Variants in PIK3R3 observed in about 807,000 individuals in gnomAD.
PIK3R3 encodes phosphoinositide-3-kinase regulatory subunit 3, also known as phosphatidylinositol 3-kinase regulatory subunit gamma.
PIK3R3 carries 64 observed loss-of-function variants against 62.9 expected under a neutral mutation model. The ratio of observed to expected loss-of-function variants is 1.02; its 90% confidence interval spans 0.83 to 1.25. The LOEUF (loss-of-function observed/expected upper bound fraction) is 1.25. PIK3R3 is among the 50% of genes most tolerant of loss of function. PIK3R3 has a pLI of 0.00. For synonymous variants in PIK3R3, 165 were observed against 189.0 expected (o/e 0.87, Z 1.04); for missense variants, 614 against 561.6 (o/e 1.09, Z -0.94).
At chr1:46,058,117 T>C (rs758301905) in intron 6 of PIK3R3, among the ~76,000 whole-genome samples, 6 of 152,174 alleles carry the variant, frequency 3.9e-5, no homozygotes, top group Admixed American at 2.6e-4. Flanking sequence ...GGGGCCAACA[T>C]AGGGCTCAGG....
intron 1 of PIK3R3, among the ~76,000 whole-genome samples, chr1:46,120,865 T>C (rs749236127): frequency 1.1e-4 from 16 of 152,194 alleles, no homozygotes; most frequent in Non-Finnish European, 2.2e-4. Context: ...GACCCAATTC[T>C]GGCCAAAAAG....
intron 1 of PIK3R3, among the ~76,000 whole-genome samples, chr1:46,091,557 C>G (rs142133734): frequency 6.6e-6 from 1 of 152,078 alleles, no homozygotes; most frequent in African/African-American, 2.4e-5. Flanking sequence ...TACTATATGG[C>G]TCTTTACAGA....
At chr1:46,095,036 T>C (rs865989380) in intron 1 of PIK3R3, among the ~76,000 whole-genome samples, 2 of 152,260 alleles carry the variant, frequency 1.3e-5, no homozygotes, top group South Asian at 4.1e-4. Context: ...TGTTTCACAA[T>C]CAAAATAAAC....
In PIK3R3 at chr1:46,044,407, G is replaced by C. The variant is rs145482956; in HGVS notation, c.1188-536C>G. 7.4e-3 allele frequency among the ~76,000 whole-genome samples: 1,133 copies of C among 152,198 alleles called. 18 individuals carry two copies. The highest frequency in any genetic ancestry group is 0.026 in the African/African-American group (1,070 of 41,530). ...TTTTTGATTAATCAGTTTATGTAAG[G>C]ACTGCAGCCAAGTCCTGAACCTACA... On this transcript the variant is annotated intron_variant, in intron 9 of 9. Transcript: ENST00000262741. This position sits in a 1 kb window ranked among gnomAD's most constrained non-coding sequence, Gnocchi z 4.2.
chr1:46,043,505 T>A lies in PIK3R3; in HGVS notation c.*168A>T. ...GCTGAGTCCTAGAGAACCTCAGGCC[T>A]CTAATGCCCCCATCCCGGCCGGCTG... On this transcript the variant is annotated 3_prime_UTR_variant, in exon 10 of 10. Coordinates refer to ENST00000262741, the MANE Select transcript of PIK3R3 (RefSeq NM_003629.4). 3 of 616,548 alleles carry A rather than the reference T, an allele frequency of 4.9e-6. No homozygotes were observed. The highest frequency in any genetic ancestry group is 8.6e-6 in the Non-Finnish European group (3 of 347,994). 38.2% of individuals were successfully genotyped at this position (616,548 alleles called of 1,614,324 possible).
In PIK3R3 at chr1:46,040,393, C is replaced by G. The variant is rs763981003; in HGVS notation, c.*3280G>C. On this transcript the variant is annotated 3_prime_UTR_variant, in exon 10 of 10. Coordinates refer to ENST00000262741, the MANE Select transcript of PIK3R3 (RefSeq NM_003629.4). The stretch of plus-strand genomic sequence containing the variant: ...CTTTCTTGTGAGTCAGATATTTTTA[C>G]GTAAACTACACGAATTTTCTTGGAC... The G allele has an allele frequency of 4.3e-6, 1 of 230,772 alleles. No individual in the cohort carries two copies. Among genetic ancestry groups the G allele is most frequent in the African/African-American group, 2.2e-5 (1 of 45,164 alleles). 14.3% of individuals were successfully genotyped at this position (230,772 alleles called of 1,614,324 possible).
chr1:46,041,912 T>C lies in PIK3R3; in HGVS notation c.*1761A>G, dbSNP rs959862277. ...AAATTAAAAATCTGTGTCTACATCATGGTCCATATTTTAGACCCTGTCATG... is the reference window on the plus strand; with the variant it reads ...AAATTAAAAATCTGTGTCTACATCACGGTCCATATTTTAGACCCTGTCATG... On this transcript the variant is annotated 3_prime_UTR_variant, in exon 10 of 10. Coordinates refer to ENST00000262741, the MANE Select transcript of PIK3R3 (RefSeq NM_003629.4). 4.6e-6 allele frequency: 1 copy of C among 216,014 alleles called. No homozygotes were observed. Among genetic ancestry groups the C allele is most frequent in the Non-Finnish European group, 9.3e-6 (1 of 107,140 alleles). 13.4% of individuals were successfully genotyped at this position (216,014 alleles called of 1,614,324 possible). A position where few individuals can be genotyped will look rare whatever the true frequency, so the allele number is the denominator to read the frequency against.
chr1:46,047,348 G>A (rs982088481), intron 7 of PIK3R3, among the ~76,000 whole-genome samples: 1 of 151,118 alleles, frequency 6.6e-6, no homozygotes, highest in Non-Finnish European at 1.5e-5. Flanking sequence ...TGAGGCAGGA[G>A]AATTGCTTGA....
intron 4 of PIK3R3, 132 bp downstream of exon 4, chr1:46,066,779 C>G (rs1233794291): frequency 1.3e-6 from 1 of 768,644 alleles, no homozygotes; most frequent in Non-Finnish European, 2.2e-6. Flanking sequence ...CAACAGAGAC[C>G]CTGTCTCAAA....
intron 3 of PIK3R3, among the ~76,000 whole-genome samples, chr1:46,074,135 A>G (rs1486333931): frequency 6.6e-6 from 1 of 150,412 alleles, no homozygotes; most frequent in East Asian, 2.0e-4. Flanking sequence ...CTAAAAATAT[A>G]AAAAATTAGC....
intron 1 of PIK3R3, among the ~76,000 whole-genome samples, chr1:46,117,078 C>T (rs1309548444): frequency 6.6e-6 from 1 of 152,166 alleles, no homozygotes. Flanking sequence ...TTTCTTCTCC[C>T]CTTCACAGCC....
At chr1:46,063,096 T>C (rs1648668424) in intron 5 of PIK3R3, among the ~76,000 whole-genome samples, 1 of 152,158 alleles carries the variant, frequency 6.6e-6, no homozygotes, top group Non-Finnish European at 1.5e-5. Context: ...TCTAATAAGG[T>C]TTGGTTTCAT....
At chr1:46,133,127 C>T (rs1048272288), upstream of PIK3R3, 2 of 710,452 alleles carry the variant, frequency 2.8e-6, no homozygotes, top group Non-Finnish European at 3.5e-6. Context: ...AATCAGGAGA[C>T]AGCCGGCGCC....
chr1:46,050,029 G>A (rs1447742444), intron 7 of PIK3R3, among the ~76,000 whole-genome samples: 2 of 151,430 alleles, frequency 1.3e-5, no homozygotes, highest in Non-Finnish European at 2.9e-5. Flanking sequence ...GCTGATGCAG[G>A]AGAAGTGCTT....
upstream of PIK3R3, among the ~76,000 whole-genome samples, chr1:46,135,074 G>T (rs1201944681): frequency 6.6e-6 from 1 of 152,182 alleles, no homozygotes; most frequent in Non-Finnish European, 1.5e-5. Context: ...TTAAACCAGT[G>T]CCCTGCCATG....
chr1:46,049,385 G>A (rs920008175), intron 7 of PIK3R3, among the ~76,000 whole-genome samples: 35 of 152,260 alleles, frequency 2.3e-4, no homozygotes, highest in African/African-American at 8.0e-4. Context: ...GCCCCTGAGA[G>A]AGAAGGACAG....
rs1034875093 is a variant in PIK3R3 at position 46,073,295 on chromosome 1, C to T, written c.314+4220G>A. On this transcript the variant is annotated intron_variant, in intron 3 of 9. Coordinates refer to ENST00000262741, the MANE Select transcript of PIK3R3 (RefSeq NM_003629.4). ...TGCTACCCTGGAATCCAGTTATTCC[C>T]ATTGCATTTAAATTTTTCAATTGAG... Among the ~76,000 whole-genome samples, 252 of 152,220 alleles carry T rather than the reference C, an allele frequency of 1.7e-3. 1 individual carries two copies. Among genetic ancestry groups the T allele is most frequent in the Non-Finnish European group, 2.8e-4 (19 of 68,008 alleles).
At chr1:46,150,871 T>A in the PIK3R3 span, among the ~76,000 whole-genome samples, 1 of 148,844 alleles carries the variant, frequency 6.7e-6, no homozygotes, top group East Asian at 2.0e-4. Flanking sequence ...TGCAATGGTG[T>A]GATCTCGGCT....
chr1:46,167,719 C>T, the PIK3R3 span, among the ~76,000 whole-genome samples: 3 of 152,188 alleles, frequency 2.0e-5, no homozygotes, highest in Non-Finnish European at 4.4e-5. Context: ...AAGTCCTGGC[C>T]CTGGCTATAC....
Sources: gnomAD v4.1 joint callset for allele counts (sites outside exome capture counted in the v4.1 genomes callset) on GRCh38, gnomAD v4.1.1 for gene constraint, Gnocchi (gnomAD v3.1) non-coding constraint, MANE v1.5 for transcripts, NCBI Gene and HGNC (gene_info 2026-07-23, HGNC 2026-07-21) for gene names.